WTIP: variants seen among roughly 807,000 people sequenced by gnomAD.
The protein encoded by WTIP is WT1 interacting protein, also known as Wilms tumor protein 1-interacting protein.
In WTIP, 23 loss-of-function variants were observed where a neutral mutation model predicts 41.7. The observed-to-expected ratio is 0.55, with a 90% confidence interval of 0.40 to 0.78. The LOEUF (loss-of-function observed/expected upper bound fraction) is 0.78. Among genes scored for constraint, WTIP ranks in the 30% least tolerant of loss-of-function variants. The probability of loss-of-function intolerance (pLI) is 0.00; values close to 1 mark genes in which losing one functional copy is unlikely to be tolerated. For synonymous variants in WTIP, 314 were observed against 269.9 expected (o/e 1.16, Z -1.60); for missense variants, 619 against 610.5 (o/e 1.01, Z -0.15).
chr19:34,494,683 G>T lies in WTIP; in HGVS notation c.1083+46G>T, dbSNP rs1215919745. 3.8e-6 allele frequency: 6 copies of T among 1,599,198 alleles called. No homozygotes were observed. In the South Asian group the frequency reaches 6.7e-5, roughly 18 times the overall value. ...GATGATCAGGTGCCTGGCCCAGCCGGCTGCTGTCCTGTCTAGCCTGGGTCT... is the reference window on the plus strand; with the variant it reads ...GATGATCAGGTGCCTGGCCCAGCCGTCTGCTGTCCTGTCTAGCCTGGGTCT... On this transcript the variant is annotated intron_variant, in intron 6 of 7. Transcript: ENST00000590071.
chr19:34,485,733 A>G (rs1219467624), intron 1 of WTIP, among the ~76,000 whole-genome samples: 1 of 152,106 alleles, frequency 6.6e-6, no homozygotes, highest in Non-Finnish European at 1.5e-5. Context: ...AGCTGAGACC[A>G]CAGGTGTGCA....
In WTIP at chr19:34,500,581, T is replaced by A; in HGVS notation, c.*312T>A. 1 of 302,824 alleles carries A rather than the reference T, an allele frequency of 3.3e-6. No homozygotes were observed. Among genetic ancestry groups the A allele is most frequent in the Non-Finnish European group, 6.1e-6 (1 of 164,620 alleles). 18.8% of individuals were successfully genotyped at this position (302,824 alleles called of 1,614,324 possible). On this transcript the variant is annotated 3_prime_UTR_variant, in exon 8 of 8. Coordinates refer to ENST00000590071, the MANE Select transcript of WTIP (RefSeq NM_001080436.2). Reference sequence around the variant, plus strand: ...AGAGGGCCCCTGCCTTGGCCAGGGGTGCGAGGTGACCCGGCTGCATTGCTG... The same window carrying A: ...AGAGGGCCCCTGCCTTGGCCAGGGGAGCGAGGTGACCCGGCTGCATTGCTG...
rs2075915124 is a variant in WTIP, at chr19:34,507,130, A to G, written c.*6861A>G. On this transcript the variant is annotated 3_prime_UTR_variant, in exon 8 of 8. Coordinates refer to ENST00000590071, the MANE Select transcript of WTIP (RefSeq NM_001080436.2). The stretch of plus-strand genomic sequence containing the variant: ...TCCCAGCTACTCGGGAGGCTGAGGC[A>G]GAAGAAGCGCTTGAACCCGGGAGGC... The G allele has an allele frequency of 6.6e-6, 1 of 151,670 alleles. No individual in the cohort carries two copies. Among genetic ancestry groups the G allele is most frequent in the East Asian group, 1.9e-4 (1 of 5,156 alleles). 9.4% of individuals were successfully genotyped at this position (151,670 alleles called of 1,614,324 possible). A position where few individuals can be genotyped will look rare whatever the true frequency, so the allele number is the denominator to read the frequency against.
chr19:34,495,286 A>C (rs550108380), intron 6 of WTIP, among the ~76,000 whole-genome samples: 1 of 152,254 alleles, frequency 6.6e-6, no homozygotes, highest in South Asian at 2.1e-4. Context: ...AGTCCCAGCT[A>C]CTTGGGAGGC....
Position 34,511,625 on chromosome 19 carries a change from C to G in WTIP, c.*11356C>G, listed in dbSNP as rs947025669. On this transcript the variant is annotated 3_prime_UTR_variant, in exon 8 of 8. Transcript: ENST00000590071. The stretch of plus-strand genomic sequence containing the variant: ...TGCCCACTAGAACATCTGTGCCAAG[C>G]AGTGTTCCCATCAATCATAGGAAAA... The G allele has an allele frequency of 6.6e-6, 1 of 152,218 alleles. No homozygotes were observed. Among genetic ancestry groups the G allele is most frequent in the African/African-American group, 2.4e-5 (1 of 41,448 alleles). 9.4% of individuals were successfully genotyped at this position (152,218 alleles called of 1,614,324 possible). A position where few individuals can be genotyped will look rare whatever the true frequency, so the allele number is the denominator to read the frequency against.
chr19:34,497,113 T>C (rs2075858594), intron 7 of WTIP, among the ~76,000 whole-genome samples: 1 of 152,184 alleles, frequency 6.6e-6, no homozygotes, highest in Non-Finnish European at 1.5e-5. Context: ...TCCACCCGCC[T>C]TGGCCTCCCA....
At position 34,490,336 on chromosome 19, in the gene WTIP, T is replaced by G. The variant is rs763202218; in HGVS notation, c.668-40T>G. 40 of 1,596,694 alleles carry G rather than the reference T, an allele frequency of 2.5e-5. 1 individual carries two copies. Among genetic ancestry groups the G allele is most frequent in the Middle Eastern group, 1.7e-4 (1 of 6,044 alleles). On this transcript the variant is annotated intron_variant, in intron 1 of 7. Transcript: ENST00000590071. ...GAGTCCGTCGGTGTGGCATAGGCTG[T>G]GGCGCTAACCCCTGCTCTCTCCTGC...
At chr19:34,483,828 G>A (rs2075783325) in intron 1 of WTIP, among the ~76,000 whole-genome samples, 1 of 151,648 alleles carries the variant, frequency 6.6e-6, no homozygotes, top group Admixed American at 6.6e-5. Context: ...TGGATGGATG[G>A]TCACCATGCC....
Position 34,500,216 on chromosome 19 carries a change from C to A in WTIP, c.1240C>A (p.Arg414Ser). 6.2e-7 allele frequency: 1 copy of A among 1,606,912 alleles called. No individual in the cohort carries two copies. Among genetic ancestry groups the A allele is most frequent in the African/African-American group, 1.3e-5 (1 of 75,018 alleles). The change falls in exon 8 of 8, where the codon CGC (arginine) becomes AGC (serine). Residue 414 changes from arginine (R) to serine (S), a missense_variant. Coordinates refer to ENST00000590071, the MANE Select transcript of WTIP (RefSeq NM_001080436.2). ...ACTGTGTCGTCGTTGCCACCTGCGG[C>A]GCCTCCAACCTGGGCCTCTTCCCTC... The part of the protein sequence containing the change: ...HLLCRRCHLR[R>S]LQPGPLPSPT...
chr19:34,482,999 C>CTTCTTTTTTTTTTTT (rs2075777586), intron 1 of WTIP, among the ~76,000 whole-genome samples: 1 of 121,456 alleles, frequency 8.2e-6, no homozygotes, highest in African/African-American at 3.0e-5. Context: ...TTTTTTTTTT[C>CTTCTTTTTTTTTTTT]TTTCTTCTTT....
chr19:34,490,151 G>A (rs1299372767), intron 1 of WTIP, among the ~76,000 whole-genome samples: 1 of 152,194 alleles, frequency 6.6e-6, no homozygotes, highest in East Asian at 1.9e-4. Context: ...CTCTGCCCTG[G>A]GTGCTCGGCC....
intron 1 of WTIP, among the ~76,000 whole-genome samples, chr19:34,487,841 G>A (rs781020128): frequency 5.3e-5 from 8 of 152,232 alleles, no homozygotes; most frequent in Non-Finnish European, 7.3e-5. Flanking sequence ...GAGGCCCTGG[G>A]TGACCCTGTA....
intron 7 of WTIP, among the ~76,000 whole-genome samples, chr19:34,497,553 G>A (rs1204437238): frequency 6.6e-6 from 1 of 152,166 alleles, no homozygotes; most frequent in Non-Finnish European, 1.5e-5. Flanking sequence ...AGCTCAGGGA[G>A]CACTGTCATT....
At chr19:34,489,263 A>G (rs2075813705) in intron 1 of WTIP, among the ~76,000 whole-genome samples, 1 of 149,020 alleles carries the variant, frequency 6.7e-6, no homozygotes, top group Non-Finnish European at 1.5e-5. Flanking sequence ...GCCTGACGTT[A>G]TTTGACTGCT....
intron 7 of WTIP, 143 bp from the exon 8 acceptor site, chr19:34,499,986 C>A: frequency 8.1e-7 from 1 of 1,231,494 alleles, no homozygotes; most frequent in Non-Finnish European, 1.1e-6. Flanking sequence ...CAGGTGTGAG[C>A]CCCTGCGCCC....
chr19:34,482,295 C>G lies in WTIP; in HGVS notation c.321C>G (p.Ser107=), dbSNP rs1367707100. 15 of 1,358,874 alleles carry G rather than the reference C, an allele frequency of 1.1e-5. No homozygotes were observed. The highest frequency in any genetic ancestry group is 1.4e-5 in the Non-Finnish European group (15 of 1,047,760). 84.2% of individuals were successfully genotyped at this position (1,358,874 alleles called of 1,614,324 possible). A position where few individuals can be genotyped will look rare whatever the true frequency, so the allele number is the denominator to read the frequency against. Residue 107 remains serine, a synonymous_variant, in exon 1 of 8, where the codon TCC becomes TCG. Transcript: ENST00000590071. Reference sequence around the variant, plus strand: ...GCGGCGGTGGCGGCAGCGCCCGATCCAGCGGCATCAGCCTGGGCTACGACC... The same window carrying G: ...GCGGCGGTGGCGGCAGCGCCCGATCGAGCGGCATCAGCCTGGGCTACGACC... ...DGGGGGGSAR[S]SGISLGYDQR...
At chr19:34,489,197 TAAA>T (rs57433723) in intron 1 of WTIP, among the ~76,000 whole-genome samples, 1 of 61,964 alleles carries the variant, frequency 1.6e-5, no homozygotes, top group East Asian at 6.4e-4. Flanking sequence ...AGACTCTATC[TAAA>T]AAAAAAAAAA....
chr19:34,484,172 G>A (rs1430060635), intron 1 of WTIP, among the ~76,000 whole-genome samples: 2 of 152,038 alleles, frequency 1.3e-5, no homozygotes, highest in Non-Finnish European at 2.9e-5. Flanking sequence ...TGATCCGCCT[G>A]CCTCAGCCTC....
At chr19:34,489,507 C>G (rs1029210015) in intron 1 of WTIP, among the ~76,000 whole-genome samples, 4 of 152,088 alleles carry the variant, frequency 2.6e-5, no homozygotes, top group Non-Finnish European at 4.4e-5. Context: ...CCTGAGTGCC[C>G]ATGTGGTCTT....
Sources: gnomAD v4.1 joint callset for allele counts (sites outside exome capture counted in the v4.1 genomes callset) on GRCh38, gnomAD v4.1.1 for gene constraint, MANE v1.5 for transcripts, NCBI Gene and HGNC (gene_info 2026-07-23, HGNC 2026-07-21) for gene names.